NRXN1: variants seen among roughly 807,000 people sequenced by gnomAD.
The protein encoded by NRXN1 is neurexin 1, also known as neurexin-1.
In NRXN1, 39 loss-of-function variants were observed where a neutral mutation model predicts 150.9. The ratio of observed to expected loss-of-function variants is 0.26; its 90% CI spans 0.20 to 0.34. NRXN1 has a LOEUF of 0.34. Ranked by LOEUF, NRXN1 falls within the 10% of genes least tolerant of loss-of-function variation. The pLI, the probability that NRXN1 is intolerant of heterozygous loss-of-function variation, is 1.00. For synonymous variants in NRXN1, 924 were observed against 757.0 expected (o/e 1.22, Z -3.62); for missense variants, 1,815 against 1,949.9 (o/e 0.93, Z 1.30).
At chr2:50,863,355 G>GC (rs1676411938) in intron 5 of NRXN1, among the ~76,000 whole-genome samples, 1 of 151,952 alleles carries the variant, frequency 6.6e-6, no homozygotes, top group South Asian at 2.1e-4. Flanking sequence ...CCTGAGTGTA[G>GC]CCCCAAATAA....
At chr2:50,525,553 C>T (rs1203433615) in intron 12 of NRXN1, among the ~76,000 whole-genome samples, 2 of 152,104 alleles carry the variant, frequency 1.3e-5, no homozygotes, top group Non-Finnish European at 2.9e-5. Context: ...AATCTAATCC[C>T]AAATTGTAGA....
chr2:50,213,546 G>C (rs2063180197), intron 18 of NRXN1, among the ~76,000 whole-genome samples: 1 of 151,826 alleles, frequency 6.6e-6, no homozygotes, highest in Non-Finnish European at 1.5e-5. Flanking sequence ...CGTTAGTCCA[G>C]GCAGCCCTCT....
At chr2:50,787,417 C>G (rs565402525) in intron 5 of NRXN1, among the ~76,000 whole-genome samples, 192 of 151,898 alleles carry the variant, frequency 1.3e-3, no homozygotes, top group Non-Finnish European at 2.4e-3. Context: ...AATAAATTAG[C>G]CAAGCATGTT....
At chr2:49,931,333 A>G (rs371166412) in intron 22 of NRXN1, among the ~76,000 whole-genome samples, 1 of 152,160 alleles carries the variant, frequency 6.6e-6, no homozygotes, top group African/African-American at 2.4e-5. Flanking sequence ...TCAATATACA[A>G]TAATGAAAAT....
At chr2:50,289,860 A>C (rs2072690272) in intron 17 of NRXN1, among the ~76,000 whole-genome samples, 1 of 152,178 alleles carries the variant, frequency 6.6e-6, no homozygotes. Context: ...TAATCAGCTA[A>C]CCTTTAGCAA....
intron 5 of NRXN1, among the ~76,000 whole-genome samples, chr2:50,869,303 A>C (rs774073198): frequency 6.6e-6 from 1 of 151,788 alleles, no homozygotes; most frequent in Admixed American, 6.6e-5. Context: ...TTATGTAATA[A>C]AATAATGAGA....
intron 12 of NRXN1, among the ~76,000 whole-genome samples, chr2:50,511,506 A>T (rs2092451021): frequency 6.6e-6 from 1 of 152,316 alleles, no homozygotes; most frequent in East Asian, 1.9e-4. Flanking sequence ...CAACAGCCAA[A>T]TTTTTTGGCT....
rs2064431531 is a variant in NRXN1 at position 50,226,865 on chromosome 2, C to T, written c.3546+9924G>A. On this transcript the variant is annotated intron_variant, in intron 18 of 22. Coordinates refer to ENST00000401669, the MANE Select transcript of NRXN1 (RefSeq NM_001330078.2). ...AACCTGAGCAGCACCGACCTATTGC[C>T]ATTGAACATTTTCAGAACACACATA... Among the ~76,000 whole-genome samples the T allele has an allele frequency of 2.0e-5, 3 of 151,950 alleles. No individual in the cohort carries two copies. In the South Asian group the frequency reaches 6.2e-4, roughly 31 times the overall value.
At chr2:49,999,212 T>A (rs148736728) in intron 21 of NRXN1, among the ~76,000 whole-genome samples, 39 of 152,198 alleles carry the variant, frequency 2.6e-4, no homozygotes, top group African/African-American at 9.2e-4. Flanking sequence ...TAAAAGAAAA[T>A]TTGTTTTGAG....
Position 50,713,717 on chromosome 2 carries a change from TTA to T in NRXN1, c.833-90104_833-90103del, listed in dbSNP as rs1313208328. ...AAAAAACAGATAAATTATTACATCA[TTA>T]ATTAACAGTGGTATTTACCAAAACA... On this transcript the variant is annotated intron_variant, in intron 5 of 22. Transcript: ENST00000401669. 2.6e-5 allele frequency among the ~76,000 whole-genome samples: 4 copies of T among 152,188 alleles called. No individual in the cohort carries two copies. The East Asian group carries it at 7.7e-4, about 29-fold the overall frequency.
intron 17 of NRXN1, among the ~76,000 whole-genome samples, chr2:50,458,232 G>A (rs983228250): frequency 6.6e-6 from 1 of 152,074 alleles, no homozygotes. Flanking sequence ...TAGTAAAATT[G>A]ACCTCTTGGA....
intron 21 of NRXN1, among the ~76,000 whole-genome samples, chr2:50,015,653 T>G (rs1440253861): frequency 2.0e-5 from 3 of 151,536 alleles, no homozygotes; most frequent in African/African-American, 7.3e-5. Context: ...CATGCATCAG[T>G]AATAATGAAT....
chr2:49,929,402 C>G (rs1045365536), intron 22 of NRXN1, among the ~76,000 whole-genome samples: 1 of 152,190 alleles, frequency 6.6e-6, no homozygotes, highest in Non-Finnish European at 1.5e-5. Flanking sequence ...TATATGTCCA[C>G]AGCTTAGTCA....
intron 13 of NRXN1, among the ~76,000 whole-genome samples, chr2:50,502,541 T>A (rs1426759462): frequency 1.3e-5 from 2 of 152,078 alleles, no homozygotes; most frequent in African/African-American, 4.8e-5. Context: ...TAGCTCTGAA[T>A]ATAAGAAGTG....
chr2:49,973,983 G>C, intron 21 of NRXN1: 1 of 717,426 alleles, frequency 1.4e-6, no homozygotes, highest in Non-Finnish European at 2.6e-6. Flanking sequence ...AGTTTTCACA[G>C]TGCCATCTCA....
Position 50,358,359 on chromosome 2 carries a change from C to G in NRXN1, c.3364+107083G>C, listed in dbSNP as rs1296307919. On this transcript the variant is annotated intron_variant, in intron 17 of 22. Coordinates refer to ENST00000401669, the MANE Select transcript of NRXN1 (RefSeq NM_001330078.2). ...GAAATTCTTGCTGCCAGCACAGCAG[C>G]CTGAAGTCGACCTGGGATGCTCAAG... is the stretch of plus-strand genomic sequence containing the variant. 2.0e-5 allele frequency among the ~76,000 whole-genome samples: 3 copies of G among 152,206 alleles called. No individual in the cohort carries two copies. The East Asian group carries it at 5.8e-4, about 29-fold the overall frequency.
At chr2:50,984,665 T>C (rs1697403629) in intron 2 of NRXN1, among the ~76,000 whole-genome samples, 1 of 152,072 alleles carries the variant, frequency 6.6e-6, no homozygotes, top group Non-Finnish European at 1.5e-5. Flanking sequence ...AATCAAACAG[T>C]CTGTATTAAA....
chr2:50,040,169 TGAG>T (rs1690711051), intron 21 of NRXN1, among the ~76,000 whole-genome samples: 1 of 151,912 alleles, frequency 6.6e-6, no homozygotes, highest in Admixed American at 6.6e-5. Context: ...GATCATGAGA[TGAG>T]GAAAAGAAGA....
At chr2:50,986,100 CTT>C (rs1202894061) in intron 2 of NRXN1, among the ~76,000 whole-genome samples, 4 of 151,498 alleles carry the variant, frequency 2.6e-5, no homozygotes, top group Non-Finnish European at 5.9e-5. Context: ...TTAAAGTTAA[CTT>C]AACATACAGT....
Sources: allele counts gnomAD v4.1 joint callset (sites outside exome capture counted in the v4.1 genomes callset), GRCh38; gene constraint gnomAD v4.1.1; transcripts MANE v1.5; gene names NCBI Gene and HGNC (gene_info 2026-07-23, HGNC 2026-07-21).